The following UBR3 variants were observed in gnomAD, a reference collection of about 807,000 sequenced individuals.
UBR3 encodes E3 ubiquitin-protein ligase UBR3.
A neutral mutation model predicts 243.2 loss-of-function variants in UBR3; 85 were observed. The observed-to-expected ratio is 0.35, with a 90% CI of 0.29 to 0.42. The LOEUF (loss-of-function observed/expected upper bound fraction) is 0.42, where lower values mean the gene tolerates loss of function less well. Ranked by LOEUF, UBR3 falls within the 10% of genes least tolerant of loss-of-function variation. UBR3 has a pLI of 1.00. For synonymous variants in UBR3, 748 were observed against 799.8 expected (o/e 0.94, Z 1.09); for missense variants, 1,686 against 2,300.8 (o/e 0.73, Z 5.47).
intron 1 of UBR3, among the ~76,000 whole-genome samples, chr2:169,834,295 C>T (rs2082020687): frequency 6.6e-6 from 1 of 152,140 alleles, no homozygotes; most frequent in South Asian, 2.1e-4. Flanking sequence ...TTGTAATGTA[C>T]TATGATTTTT....
At chr2:169,891,613 G>C (rs10206824) in intron 6 of UBR3, among the ~76,000 whole-genome samples, 37,003 of 148,856 alleles carry the variant, frequency 0.25, 4,764 homozygotes, top group East Asian at 0.42. Context: ...GAGAGACAGA[G>C]ACACACACAC....
Position 169,895,317 on chromosome 2 carries a change from T to G in UBR3, c.1236+6T>G. 6.5e-7 allele frequency: 1 copy of G among 1,528,346 alleles called. No homozygotes were observed. Among genetic ancestry groups the G allele is most frequent in the South Asian group, 1.3e-5 (1 of 78,584 alleles). 94.7% of individuals were successfully genotyped at this position (1,528,346 alleles called of 1,614,324 possible). A position where few individuals can be genotyped will look rare whatever the true frequency, so the allele number is the denominator to read the frequency against. ...TTCCAGATCAAGAGTATAAGGTATC[T>G]ATATATTTTCCTGCTTTTCTGAACT... On this transcript the variant is annotated splice_donor_region_variant and intron_variant, in intron 7 of 38. Transcript: ENST00000272793.
intron 35 of UBR3, among the ~76,000 whole-genome samples, chr2:170,063,968 G>A (rs536911260): frequency 1.3e-5 from 2 of 152,246 alleles, no homozygotes; most frequent in South Asian, 4.1e-4. Flanking sequence ...ATTCCCATTT[G>A]TAGTGCAAGA....
At chr2:170,081,184 G>A (rs1268197318) in intron 38 of UBR3, among the ~76,000 whole-genome samples, 1 of 151,246 alleles carries the variant, frequency 6.6e-6, no homozygotes, top group African/African-American at 2.4e-5. Context: ...GAGAAAGACT[G>A]TCTCAAAAAA....
In UBR3 at chr2:169,928,697, C is replaced by G. The variant is rs1574222778; in HGVS notation, c.2425-30C>G. ...AGGCTATAAATCTGGCTTTTTGTTA[C>G]TAATATTTTTTTCTTGACATATATA... On this transcript the variant is annotated intron_variant, in intron 17 of 38. Transcript: ENST00000272793. 9 of 1,430,940 alleles carry G rather than the reference C, an allele frequency of 6.3e-6. No individual in the cohort carries two copies. The East Asian group carries it at 2.0e-4, about 32-fold the overall frequency. The allele number at this position is 1,430,940 out of a possible 1,614,324, so 88.6% of individuals were successfully genotyped here. A position where few individuals can be genotyped will look rare whatever the true frequency, so the allele number is the denominator to read the frequency against.
intron 19 of UBR3, among the ~76,000 whole-genome samples, chr2:169,934,527 T>TGCAC (rs1164096735): frequency 6.6e-6 from 1 of 152,228 alleles, no homozygotes; most frequent in African/African-American, 2.4e-5. Flanking sequence ...TGAGCCACCG[T>TGCAC]GCCTGGCCGA....
intron 11 of UBR3, among the ~76,000 whole-genome samples, chr2:169,914,679 G>T (rs2085382753): frequency 6.6e-6 from 1 of 152,180 alleles, no homozygotes; most frequent in Non-Finnish European, 1.5e-5. Flanking sequence ...TTTACCATCA[G>T]AAGCTCCTTT....
At chr2:170,058,507 TTCTTA>T (rs924735898) in intron 33 of UBR3, among the ~76,000 whole-genome samples, 8 of 141,278 alleles carry the variant, frequency 5.7e-5, no homozygotes, top group African/African-American at 1.0e-4. Context: ...TTTCTTTCTT[TTCTTA>T]TCTTTTCTTC....
At chr2:170,008,965 T>C in intron 29 of UBR3, 25 bp downstream of exon 29, 3 of 1,385,028 alleles carry the variant, frequency 2.2e-6, no homozygotes, top group Non-Finnish European at 2.9e-6. Flanking sequence ...TGTATACTTT[T>C]TAGTTTACTT....
chr2:170,002,499 T>C (rs2089749153), intron 27 of UBR3, among the ~76,000 whole-genome samples: 2 of 152,138 alleles, frequency 1.3e-5, no homozygotes, highest in Non-Finnish European at 2.9e-5. Flanking sequence ...GTTGTCACAT[T>C]CCCTTAGATT....
intron 5 of UBR3, among the ~76,000 whole-genome samples, chr2:169,887,492 G>T (rs948532288): frequency 1.3e-5 from 2 of 151,954 alleles, no homozygotes; most frequent in Non-Finnish European, 2.9e-5. Flanking sequence ...TCTACTTTTG[G>T]GAGTTATTTC....
intron 11 of UBR3, among the ~76,000 whole-genome samples, chr2:169,914,848 TTGTGTGTG>T (rs138233075): frequency 0.013 from 1,206 of 93,732 alleles, 16 homozygotes; most frequent in Non-Finnish European, 0.013. Flanking sequence ...ATTTTATCTC[TTGTGTGTG>T]TGTGTGTGTG....
chr2:170,008,952 T>C lies in UBR3; in HGVS notation c.4367+12T>C. The C allele has an allele frequency of 6.7e-7, 1 of 1,491,242 alleles. No homozygotes were observed. The allele number at this position is 1,491,242 out of a possible 1,614,324, so 92.4% of individuals were successfully genotyped here. A position where few individuals can be genotyped will look rare whatever the true frequency, so the allele number is the denominator to read the frequency against. ...TACTCTGTTGCTAGGTAGGTATATA[T>C]AGTGTATACTTTTTAGTTTACTTAC... On this transcript the variant is annotated intron_variant, in intron 29 of 38. Coordinates refer to ENST00000272793, the MANE Select transcript of UBR3 (RefSeq NM_172070.4).
intron 1 of UBR3, among the ~76,000 whole-genome samples, chr2:169,856,532 G>T (rs2082871682): frequency 6.6e-6 from 1 of 152,154 alleles, no homozygotes; most frequent in African/African-American, 2.4e-5. Flanking sequence ...CTGCACTCCA[G>T]CCTGGGCAGC....
At chr2:169,857,273 C>G (rs2082919512) in intron 1 of UBR3, among the ~76,000 whole-genome samples, 2 of 151,754 alleles carry the variant, frequency 1.3e-5, no homozygotes, top group South Asian at 4.2e-4. Context: ...TGGGGCTTCG[C>G]CACATTGGCC....
intron 5 of UBR3, among the ~76,000 whole-genome samples, chr2:169,888,266 G>C (rs1370073252): frequency 6.6e-6 from 1 of 151,822 alleles, no homozygotes; most frequent in Non-Finnish European, 1.5e-5. Flanking sequence ...AGCCTGCCGA[G>C]TAGCTGGGAT....
chr2:169,987,392 CAA>C (rs563664122), intron 25 of UBR3, among the ~76,000 whole-genome samples: 5 of 65,990 alleles, frequency 7.6e-5, no homozygotes, highest in Admixed American at 1.6e-4. Flanking sequence ...GACTCTGTCT[CAA>C]AAAAAAAAAA....
At chr2:170,028,817 A>T (rs1473923060) in intron 30 of UBR3, among the ~76,000 whole-genome samples, 26 of 151,816 alleles carry the variant, frequency 1.7e-4, no homozygotes, top group African/African-American at 6.0e-4. Flanking sequence ...AAATAGTTGG[A>T]ATTGTAACAA....
At position 170,079,668 on chromosome 2, in the gene UBR3, G is replaced by A. The variant is rs530297769; in HGVS notation, c.5200-146G>A. 198 of 649,654 alleles carry A rather than the reference G, an allele frequency of 3.0e-4. 1 individual carries two copies. The South Asian group carries it at 4.1e-3, about 13-fold the overall frequency. The allele number at this position is 649,654 out of a possible 1,614,324, so 40.2% of individuals were successfully genotyped here. A position where few individuals can be genotyped will look rare whatever the true frequency, so the allele number is the denominator to read the frequency against. ...GAACTACTATTTTAGTCATGTATAA[G>A]ATGGAAATGAGAGGAGTGTTAATAA... On this transcript the variant is annotated intron_variant, in intron 36 of 38. Coordinates refer to ENST00000272793, the MANE Select transcript of UBR3 (RefSeq NM_172070.4).
Sources: allele counts gnomAD v4.1 joint callset (sites outside exome capture counted in the v4.1 genomes callset), GRCh38; gene constraint gnomAD v4.1.1; transcripts MANE v1.5; gene names NCBI Gene and HGNC (gene_info 2026-07-23, HGNC 2026-07-21).